The following CSMD1 variants were observed in gnomAD, a reference collection of about 807,000 sequenced individuals.
CSMD1 encodes CUB and Sushi multiple domains 1.
A neutral mutation model predicts 417.5 loss-of-function variants in CSMD1; 213 were observed. That is an observed-to-expected ratio of 0.51 (90% confidence interval 0.46 to 0.57). The LOEUF (loss-of-function observed/expected upper bound fraction) is 0.57, where lower values mean the gene tolerates loss of function less well. CSMD1 is among the 20% of genes least tolerant of loss of function. The pLI is 0.00. For synonymous variants in CSMD1, 2,862 were observed against 1,736.8 expected, an observed-to-expected ratio of 1.65 and a Z score of -16.11; for missense variants, 6,923 against 4,529.7, an observed-to-expected ratio of 1.53 and a Z score of -15.17.
intron 1 of CSMD1, among the ~76,000 whole-genome samples, chr8:4,768,131 A>G (rs945476630): frequency 2.0e-5 from 3 of 152,156 alleles, no homozygotes; most frequent in Non-Finnish European, 4.4e-5. Flanking sequence ...AATTATAAAC[A>G]GATGTTTTGG....
chr8:3,950,016 C>T (rs1226515829), intron 5 of CSMD1: 13 of 455,696 alleles, frequency 2.9e-5, no homozygotes, highest in East Asian at 2.1e-4. Context: ...CCAGGGTCCA[C>T]GGCATTTCCT....
intron 4 of CSMD1, among the ~76,000 whole-genome samples, chr8:4,001,034 T>A (rs1237263537): frequency 7.3e-6 from 1 of 136,264 alleles, no homozygotes; most frequent in Non-Finnish European, 1.6e-5. Context: ...CTTTCAATGT[T>A]TCAGAGGGGA....
intron 4 of CSMD1, among the ~76,000 whole-genome samples, chr8:4,013,123 C>T (rs1301761631): frequency 2.6e-5 from 4 of 152,118 alleles, no homozygotes; most frequent in East Asian, 1.9e-4. Context: ...TTTTTCTTCT[C>T]GTATCCCCCC....
intron 4 of CSMD1, among the ~76,000 whole-genome samples, chr8:4,020,469 G>A (rs1040620636): frequency 6.6e-6 from 1 of 152,152 alleles, no homozygotes; most frequent in African/African-American, 2.4e-5. Flanking sequence ...TTGGTTATGT[G>A]ACCGCTAGGG....
chr8:3,616,253 G>A (rs541193153), intron 8 of CSMD1, among the ~76,000 whole-genome samples: 1 of 152,156 alleles, frequency 6.6e-6, no homozygotes, highest in South Asian at 2.1e-4. Flanking sequence ...CATGGGGTCA[G>A]TTACCCTCAT....
At chr8:2,990,574 A>C (rs1176387762) in intron 54 of CSMD1, among the ~76,000 whole-genome samples, 1 of 152,174 alleles carries the variant, frequency 6.6e-6, no homozygotes, top group Non-Finnish European at 1.5e-5. Flanking sequence ...TGACCAGACC[A>C]CCCACATTAT....
chr8:3,294,601 G>C (rs75321955), intron 25 of CSMD1, among the ~76,000 whole-genome samples: 5,910 of 152,258 alleles, frequency 0.039, 382 homozygotes, highest in African/African-American at 0.13. Context: ...GGCTCCGTGG[G>C]GGTAGGACCC....
At chr8:3,089,111 C>G (rs1364598282) in intron 48 of CSMD1, among the ~76,000 whole-genome samples, 2 of 152,208 alleles carry the variant, frequency 1.3e-5, no homozygotes, top group Non-Finnish European at 2.9e-5. Context: ...CAAAGAGAGA[C>G]TGGAGCAGGG....
intron 18 of CSMD1, among the ~76,000 whole-genome samples, chr8:3,380,789 T>C (rs903908942): frequency 4.6e-5 from 7 of 152,002 alleles, no homozygotes; most frequent in Admixed American, 6.6e-5. Context: ...ATACCTAATG[T>C]AGATGATGGG....
At chr8:3,382,507 T>TTATATATATATAAATTTATATAAATA (rs534077692) in intron 18 of CSMD1, among the ~76,000 whole-genome samples, 4,719 of 131,538 alleles carry the variant, frequency 0.036, 117 homozygotes, top group Middle Eastern at 0.068. Context: ...GTATATAAAT[T>TTATATATATATAAATTTATATAAATA]TATATATATA....
chr8:4,714,690 C>T (rs927974568), intron 1 of CSMD1, among the ~76,000 whole-genome samples: 2 of 152,012 alleles, frequency 1.3e-5, no homozygotes, highest in African/African-American at 4.8e-5. Flanking sequence ...AGAAGCTAGG[C>T]AGTTCAAATT....
At chr8:4,432,428 G>T (rs1156269374) in intron 2 of CSMD1, among the ~76,000 whole-genome samples, 2 of 152,104 alleles carry the variant, frequency 1.3e-5, no homozygotes, top group Non-Finnish European at 2.9e-5. Flanking sequence ...TAGATTTGGA[G>T]CCTGGTGAAA....
chr8:4,911,470 G>T (rs553164093), intron 1 of CSMD1, among the ~76,000 whole-genome samples: 15 of 152,226 alleles, frequency 9.9e-5, no homozygotes, highest in African/African-American at 3.1e-4. Flanking sequence ...CATAGGATGT[G>T]ATTAAGGTGT....
intron 3 of CSMD1, among the ~76,000 whole-genome samples, chr8:4,181,907 C>G (rs546620878): frequency 6.6e-6 from 1 of 151,872 alleles, no homozygotes; most frequent in Non-Finnish European, 1.5e-5. Flanking sequence ...ACCACAAAGG[C>G]AGGACAAGTA....
chr8:2,991,092 T>C (rs985195981), intron 54 of CSMD1, among the ~76,000 whole-genome samples: 5 of 152,234 alleles, frequency 3.3e-5, no homozygotes, highest in African/African-American at 1.2e-4. Flanking sequence ...TTATACAATA[T>C]ACATCATCTA....
At chr8:4,615,283 A>G (rs1008731156) in intron 2 of CSMD1, among the ~76,000 whole-genome samples, 64 of 152,210 alleles carry the variant, frequency 4.2e-4, no homozygotes, top group African/African-American at 1.5e-3. Flanking sequence ...CTATGAAATA[A>G]TCTCTTCACA....
intron 26 of CSMD1, among the ~76,000 whole-genome samples, chr8:3,262,547 AAAG>A (rs1484293815): frequency 6.6e-6 from 1 of 151,974 alleles, no homozygotes; most frequent in Non-Finnish European, 1.5e-5. Flanking sequence ...ATGAAAAAAA[AAAG>A]AAAAAGAAAA....
At chr8:3,499,577 G>A (rs139056374) in intron 10 of CSMD1, among the ~76,000 whole-genome samples, 1 of 152,058 alleles carries the variant, frequency 6.6e-6, no homozygotes, top group African/African-American at 2.4e-5. Flanking sequence ...TATATCCAGG[G>A]TGCTTGTTGG....
intron 3 of CSMD1, among the ~76,000 whole-genome samples, chr8:4,401,036 AC>A (rs1172656747): frequency 3.8e-4 from 58 of 152,298 alleles, no homozygotes; most frequent in African/African-American, 1.3e-3. Flanking sequence ...AAGTTAATAT[AC>A]GCTGAGCATG....
Sources: gnomAD v4.1 joint callset for allele counts (sites outside exome capture counted in the v4.1 genomes callset) on GRCh38, gnomAD v4.1.1 for gene constraint, MANE v1.5 for transcripts, NCBI Gene and HGNC (gene_info 2026-07-23, HGNC 2026-07-21) for gene names.